PPARGC1A: variants seen among roughly 807,000 people sequenced by gnomAD.
PPARGC1A encodes PPARG coactivator 1 alpha, also known as peroxisome proliferator-activated receptor gamma coactivator 1-alpha.
A neutral mutation model predicts 88.7 loss-of-function variants in PPARGC1A; 25 were observed. That is an observed-to-expected ratio of 0.28 (90% CI 0.21 to 0.39). PPARGC1A has a LOEUF of 0.39. Ranked by LOEUF, PPARGC1A falls within the 10% of genes least tolerant of loss-of-function variation. The pLI is 1.00. For missense variants in PPARGC1A, 880 were observed against 968.7 expected (o/e 0.91, Z 1.22); for synonymous variants, 363 against 355.6 (o/e 1.02, Z -0.24).
chr4:24,159,501 G>A, the PPARGC1A span, among the ~76,000 whole-genome samples: 4 of 152,122 alleles, frequency 2.6e-5, no homozygotes, highest in South Asian at 2.1e-4. Context: ...GAGCCACTGC[G>A]CCCGGCCGAG....
At chr4:24,321,929 T>A in the PPARGC1A span, among the ~76,000 whole-genome samples, 5 of 152,326 alleles carry the variant, frequency 3.3e-5, no homozygotes, top group Middle Eastern at 3.4e-3. Context: ...ATAATCGGCC[T>A]CTGACCGAAG....
chr4:23,916,076 T>C, the PPARGC1A span, among the ~76,000 whole-genome samples: 1 of 152,230 alleles, frequency 6.6e-6, no homozygotes, highest in Non-Finnish European at 1.5e-5. Flanking sequence ...CTATAAAATG[T>C]GGATAATACT....
the PPARGC1A span, among the ~76,000 whole-genome samples, chr4:24,328,078 T>G: frequency 6.6e-6 from 1 of 151,896 alleles, no homozygotes. Flanking sequence ...CCAAATCCTA[T>G]AAAACGGCCC....
the PPARGC1A span, among the ~76,000 whole-genome samples, chr4:24,425,227 C>T: frequency 6.6e-6 from 1 of 152,100 alleles, no homozygotes; most frequent in Non-Finnish European, 1.5e-5. Flanking sequence ...ACAGAGGATA[C>T]CTTAAAATAT....
chr4:24,247,378 G>A, the PPARGC1A span, among the ~76,000 whole-genome samples: 1 of 151,962 alleles, frequency 6.6e-6, no homozygotes, highest in East Asian at 1.9e-4. Context: ...AAAAAAGTTT[G>A]CTCCAGATAA....
At position 23,813,921 on chromosome 4, in the gene PPARGC1A, A is replaced by C; in HGVS notation, c.1562T>G (p.Leu521Arg). Residue 521 changes from leucine (L) to arginine (R), a missense_variant, in exon 8 of 13, where the codon CTG (leucine) becomes CGG (arginine). Coordinates refer to ENST00000264867, the MANE Select transcript of PPARGC1A (RefSeq NM_013261.5). The stretch of plus-strand genomic sequence containing the variant: ...TTGCGTGCCATCCCAAGGGTAGCTC[A>C]GTTTATCACTTTCATCTTCGCTGTC... ...FDDSEDESDK[L>R]SYPWDGTQSY... is the part of the protein sequence containing the mutation. The C allele has an allele frequency of 6.2e-7, 1 of 1,614,010 alleles. No individual in the cohort carries two copies. The highest frequency in any genetic ancestry group is 8.5e-7 in the Non-Finnish European group (1 of 1,179,898).
the PPARGC1A span, among the ~76,000 whole-genome samples, chr4:24,225,070 T>C: frequency 2.0e-5 from 3 of 152,110 alleles, no homozygotes; most frequent in Non-Finnish European, 2.9e-5. Flanking sequence ...AATTTGAAGA[T>C]CACGACTTTT....
the PPARGC1A span, among the ~76,000 whole-genome samples, chr4:24,069,936 C>T: frequency 6.6e-6 from 1 of 152,156 alleles, no homozygotes; most frequent in Non-Finnish European, 1.5e-5. Flanking sequence ...CCTGGCTGAG[C>T]AGAAAGAGCA....
chr4:23,960,622 A>G, the PPARGC1A span, among the ~76,000 whole-genome samples: 1 of 152,114 alleles, frequency 6.6e-6, no homozygotes, highest in Non-Finnish European at 1.5e-5. Context: ...GACTACAAGG[A>G]AAATGGCGAA....
chr4:24,117,721 T>G, the PPARGC1A span, among the ~76,000 whole-genome samples: 1 of 151,932 alleles, frequency 6.6e-6, no homozygotes, highest in Non-Finnish European at 1.5e-5. Flanking sequence ...AGAGGGACCC[T>G]GTGGAATGGA....
chr4:24,292,118 T>C, the PPARGC1A span, among the ~76,000 whole-genome samples: 1 of 152,076 alleles, frequency 6.6e-6, no homozygotes, highest in African/African-American at 2.4e-5. Flanking sequence ...CACGCTGAAG[T>C]TTCCCTAAGA....
At chr4:24,051,935 C>CAA in the PPARGC1A span, among the ~76,000 whole-genome samples, 21 of 114,702 alleles carry the variant, frequency 1.8e-4, no homozygotes, top group East Asian at 5.4e-4. Flanking sequence ...GTGATTTGCA[C>CAA]AAAAAAAAAA....
chr4:24,000,219 A>T, the PPARGC1A span, among the ~76,000 whole-genome samples: 2 of 152,192 alleles, frequency 1.3e-5, no homozygotes, highest in Middle Eastern at 6.8e-3. Context: ...TCACCGTTTC[A>T]TCCTAGGTAT....
chr4:24,030,136 G>GA, the PPARGC1A span, among the ~76,000 whole-genome samples: 1 of 152,202 alleles, frequency 6.6e-6, no homozygotes, highest in Non-Finnish European at 1.5e-5. Flanking sequence ...TAAAAGAACT[G>GA]AATTAACTGC....
the PPARGC1A span, among the ~76,000 whole-genome samples, chr4:24,379,893 C>T: frequency 6.6e-6 from 1 of 151,702 alleles, no homozygotes; most frequent in Non-Finnish European, 1.5e-5. Context: ...ACTCTTCTGC[C>T]TCAGCCTCCC....
At chr4:23,897,381 T>C (rs757602802) in intron 1 of PPARGC1A, among the ~76,000 whole-genome samples, 1 of 152,184 alleles carries the variant, frequency 6.6e-6, no homozygotes, top group Non-Finnish European at 1.5e-5. Flanking sequence ...AAGAAGAACA[T>C]GGCCCTCATT....
the PPARGC1A span, among the ~76,000 whole-genome samples, chr4:24,470,673 C>G: frequency 2.0e-5 from 3 of 152,014 alleles, no homozygotes; most frequent in Non-Finnish European, 2.9e-5. This position sits in a 1 kb window ranked among gnomAD's most constrained non-coding sequence, Gnocchi z 5.8. Context: ...CCCGCCCCGC[C>G]CGAACGGCCG....
Position 23,813,056 on chromosome 4 carries a change from T to A in PPARGC1A, c.1863A>T (p.Arg621Ser). ...GGCTGTAGGGCGATCTTGAACGTGA[T>A]CTCACATACAAGGGAGAATTTCGGT... is the stretch of plus-strand genomic sequence containing the variant. ...RTHRNSPLYVRSRSRSPYSRR... is the reference protein window; with the variant it reads ...RTHRNSPLYVSSRSRSPYSRR... Residue 621 changes from arginine to serine, a missense_variant, in exon 9 of 13, where the codon AGA becomes AGT. Transcript: ENST00000264867. The A allele has an allele frequency of 6.2e-7, 1 of 1,614,098 alleles. No homozygotes were observed. Among genetic ancestry groups the A allele is most frequent in the Non-Finnish European group, 8.5e-7 (1 of 1,179,974 alleles).
chr4:24,090,874 G>A, the PPARGC1A span, among the ~76,000 whole-genome samples: 1 of 152,192 alleles, frequency 6.6e-6, no homozygotes, highest in Non-Finnish European at 1.5e-5. Flanking sequence ...AATAGGTATT[G>A]TAACGTATAA....
Sources: gnomAD v4.1 joint callset for allele counts (sites outside exome capture counted in the v4.1 genomes callset) on GRCh38, gnomAD v4.1.1 for gene constraint, Gnocchi (gnomAD v3.1) non-coding constraint, MANE v1.5 for transcripts, NCBI Gene and HGNC (gene_info 2026-07-23, HGNC 2026-07-21) for gene names.